The following PCDHGA7 variants were observed in gnomAD, a reference collection of about 807,000 sequenced individuals.
PCDHGA7 encodes the protein protocadherin gamma-A7.
PCDHGA7 carries 44 observed loss-of-function variants against 58.3 expected under a neutral mutation model. The observed-to-expected ratio is 0.75, with a 90% confidence interval of 0.59 to 0.97. The LOEUF is 0.97. Ranked by LOEUF, PCDHGA7 falls within the 50% of genes least tolerant of loss-of-function variation. PCDHGA7 has a pLI of 0.00. For synonymous variants in PCDHGA7, 516 were observed against 504.2 expected, an observed-to-expected ratio of 1.02 and a Z score of -0.31; for missense variants, 1,266 against 1,188.7, an observed-to-expected ratio of 1.06 and a Z score of -0.96.
intron 1 of PCDHGA7, among the ~76,000 whole-genome samples, chr5:141,473,946 G>A (rs1399816546): frequency 6.6e-6 from 1 of 152,170 alleles, no homozygotes; most frequent in African/African-American, 2.4e-5. Context: ...GCTCAGGCCT[G>A]TAGTCCCATC....
chr5:141,405,326 T>C (rs764056952), intron 1 of PCDHGA7: 2 of 1,614,220 alleles, frequency 1.2e-6, no homozygotes, highest in South Asian at 2.2e-5. Context: ...TGAGCCTTTG[T>C]GCGTCTCTGT....
chr5:141,448,152 C>T (rs1463599948), intron 1 of PCDHGA7, among the ~76,000 whole-genome samples: 1 of 151,984 alleles, frequency 6.6e-6, no homozygotes, highest in African/African-American at 2.4e-5. Flanking sequence ...CAGACTCACC[C>T]CTGAAAGATC....
intron 1 of PCDHGA7, chr5:141,400,601 C>T (rs1401354209): frequency 1.3e-6 from 2 of 1,592,588 alleles, no homozygotes; most frequent in East Asian, 4.5e-5. Flanking sequence ...CGTACATTTT[C>T]AAGTCCAATG....
chr5:141,456,285 G>T (rs2098848223), intron 1 of PCDHGA7, among the ~76,000 whole-genome samples: 1 of 152,134 alleles, frequency 6.6e-6, no homozygotes, highest in Non-Finnish European at 1.5e-5. Flanking sequence ...GCTGAAAAGG[G>T]GCGTCTAATG....
Position 141,485,627 on chromosome 5 carries a change from T to C in PCDHGA7, c.2425-9180T>C. 3 of 1,612,072 alleles carry C rather than the reference T, an allele frequency of 1.9e-6. No individual in the cohort carries two copies. Among genetic ancestry groups the C allele is most frequent in the Non-Finnish European group, 2.5e-6 (3 of 1,178,530 alleles). On this transcript the variant is annotated intron_variant, in intron 1 of 3. Transcript: ENST00000518325. This position sits in a 1 kb window ranked among gnomAD's most constrained non-coding sequence, Gnocchi z 5.7. ...GGAGGCAGCTCCTCCAGGACAGCGT[T>C]TCCCGTTGGAAAAGGCTCAGGATGC...
rs1263406836 is a variant in PCDHGA7 at position 141,491,918 on chromosome 5, G to A, written c.2425-2889G>A. On this transcript the variant is annotated intron_variant, in intron 1 of 3. Coordinates refer to ENST00000518325, the MANE Select transcript of PCDHGA7 (RefSeq NM_018920.4). The surrounding 1 kb of genome is among the most constrained non-coding windows in gnomAD (Gnocchi z 6.9). ...GCACCGGGGGTGGTGGCGACTGTGGGCGAGGGGAGGTGGGACCGACCCCCA... is the reference window on the plus strand; with the variant it reads ...GCACCGGGGGTGGTGGCGACTGTGGACGAGGGGAGGTGGGACCGACCCCCA... 2 of 1,371,698 alleles carry A rather than the reference G, an allele frequency of 1.5e-6. No homozygotes were observed. Among genetic ancestry groups the A allele is most frequent in the Non-Finnish European group, 1.9e-6 (2 of 1,028,962 alleles). 85.0% of individuals were successfully genotyped at this position (1,371,698 alleles called of 1,614,324 possible).
At chr5:141,500,182 ATT>A (rs1199992745) in intron 2 of PCDHGA7, among the ~76,000 whole-genome samples, 2 of 131,622 alleles carry the variant, frequency 1.5e-5, no homozygotes, top group African/African-American at 3.1e-5. Flanking sequence ...CTTCATTTTT[ATT>A]TTTATTTATT....
intron 1 of PCDHGA7, chr5:141,413,526 G>T: frequency 6.2e-7 from 1 of 1,613,936 alleles, no homozygotes; most frequent in Non-Finnish European, 8.5e-7. Context: ...TGGAAGACAG[G>T]GTGAAACTTT....
intron 1 of PCDHGA7, chr5:141,404,622 A>G (rs1182540384): frequency 9.9e-6 from 16 of 1,614,156 alleles, no homozygotes; most frequent in Non-Finnish European, 1.4e-5. Flanking sequence ...GACCAGAATG[A>G]CAATGCCCCA....
In PCDHGA7 at chr5:141,485,539, G is replaced by T; in HGVS notation, c.2425-9268G>T. 6.2e-7 allele frequency: 1 copy of T among 1,614,104 alleles called. No individual in the cohort carries two copies. Among genetic ancestry groups the T allele is most frequent in the Non-Finnish European group, 8.5e-7 (1 of 1,179,998 alleles). On this transcript the variant is annotated intron_variant, in intron 1 of 3. Coordinates refer to ENST00000518325, the MANE Select transcript of PCDHGA7 (RefSeq NM_018920.4). This position sits in a 1 kb window ranked among gnomAD's most constrained non-coding sequence, Gnocchi z 5.7. ...TGGAAATGTACCGAGCAGAGGTAGA[G>T]ATCGTAGATGTGAATGATCACGCCC...
chr5:141,383,948 C>G lies in PCDHGA7; in HGVS notation c.1049C>G (p.Thr350Arg), dbSNP rs199642192. Residue 350 changes from threonine to arginine, a missense_variant, in exon 1 of 4, where the codon ACG becomes AGG. Transcript: ENST00000518325. ...VNDNAPEVTMTSLSSSIPEDT... is the reference protein window; with the variant it reads ...VNDNAPEVTMRSLSSSIPEDT... Reference sequence around the variant, plus strand: ...GATAATGCTCCAGAAGTGACTATGACGTCTTTAAGTAGCTCAATCCCTGAA... The same window carrying G: ...GATAATGCTCCAGAAGTGACTATGAGGTCTTTAAGTAGCTCAATCCCTGAA... 2.1e-4 allele frequency: 340 copies of G among 1,613,480 alleles called. No homozygotes were observed. Among genetic ancestry groups the G allele is most frequent in the Non-Finnish European group, 2.5e-4 (300 of 1,179,584 alleles).
rs61612330 is a variant in PCDHGA7, at chr5:141,454,796, A to ATTTTTTTTTTTTTTTTTT, written c.2425-39999_2425-39982dup. Reference sequence around the variant, plus strand: ...AAGGAAATAATCCTCCATGGTTCTAATTTTTTTTTTTTTTTTTTTTTTTTT... The same window carrying ATTTTTTTTTTTTTTTTTT: ...AAGGAAATAATCCTCCATGGTTCTAATTTTTTTTTTTTTTTTTTTTTTTTTTTTTTTTTTTTTTTTTTT... On this transcript the variant is annotated intron_variant, in intron 1 of 3. Coordinates refer to ENST00000518325, the MANE Select transcript of PCDHGA7 (RefSeq NM_018920.4). 9.0e-4 allele frequency among the ~76,000 whole-genome samples: 70 copies of ATTTTTTTTTTTTTTTTTT among 77,458 alleles called. 9 individuals carry two copies. Among genetic ancestry groups the ATTTTTTTTTTTTTTTTTT allele is most frequent in the Non-Finnish European group, 1.1e-3 (48 of 42,814 alleles). The allele number at this position is 77,458 out of a possible 152,430, so 50.8% of individuals were successfully genotyped here. A position where few individuals can be genotyped will look rare whatever the true frequency, so the allele number is the denominator to read the frequency against.
intron 1 of PCDHGA7, chr5:141,426,664 A>G (rs886265350): frequency 2.3e-6 from 1 of 429,248 alleles, no homozygotes; most frequent in Admixed American, 2.5e-5. Flanking sequence ...GATATAAATG[A>G]TAACCCACCT....
chr5:141,497,237 T>C (rs933112169), intron 2 of PCDHGA7, among the ~76,000 whole-genome samples: 3 of 152,038 alleles, frequency 2.0e-5, no homozygotes, highest in Non-Finnish European at 4.4e-5. Context: ...AGAAGGCTTC[T>C]AGGAGGAGGT....
Position 141,423,580 on chromosome 5 carries a change from A to C in PCDHGA7, c.2424+38257A>C, listed in dbSNP as rs368022774. 46 of 1,613,286 alleles carry C rather than the reference A, an allele frequency of 2.9e-5. No individual in the cohort carries two copies. In the African/African-American group the frequency reaches 5.6e-4, roughly 20 times the overall value. On this transcript the variant is annotated intron_variant, in intron 1 of 3. Coordinates refer to ENST00000518325, the MANE Select transcript of PCDHGA7 (RefSeq NM_018920.4). ...TGGGGACACGCTCATCAGCCAGGAGAGCTGTGAGAAAAGCGAGCCACTCTT... is the reference window on the plus strand; with the variant it reads ...TGGGGACACGCTCATCAGCCAGGAGCGCTGTGAGAAAAGCGAGCCACTCTT...
intron 1 of PCDHGA7, chr5:141,394,120 C>T: frequency 5.0e-6 from 8 of 1,613,954 alleles, no homozygotes; most frequent in Non-Finnish European, 5.9e-6. Context: ...TCCACTGAAA[C>T]TCAAATCGCT....
At chr5:141,497,223 T>C (rs921763195) in intron 2 of PCDHGA7, among the ~76,000 whole-genome samples, 1 of 151,762 alleles carries the variant, frequency 6.6e-6, no homozygotes, top group Admixed American at 6.6e-5. Context: ...GGGGGGAAGA[T>C]CAGAGAAGGC....
At chr5:141,386,407 G>T (rs2090565915) in intron 1 of PCDHGA7, among the ~76,000 whole-genome samples, 1 of 152,034 alleles carries the variant, frequency 6.6e-6, no homozygotes, top group Non-Finnish European at 1.5e-5. Flanking sequence ...GCCAGGTATG[G>T]TGTTGCAAGC....
chr5:141,384,310 A>T lies in PCDHGA7; in HGVS notation c.1411A>T (p.Ile471Phe). 2 of 1,613,676 alleles carry T rather than the reference A, an allele frequency of 1.2e-6. No homozygotes were observed. Among genetic ancestry groups the T allele is most frequent in the East Asian group, 4.5e-5 (2 of 44,856 alleles). Reference sequence around the variant, plus strand: ...TGAGAACAACCCCAGAGGGGCCTCCATTTTCTTAGTGACTGCACAGGACCA... The same window carrying T: ...TGAGAACAACCCCAGAGGGGCCTCCTTTTTCTTAGTGACTGCACAGGACCA... ...IAENNPRGAS[I>F]FLVTAQDHDS... The change falls in exon 1 of 4, where the codon ATT becomes TTT. Residue 471 changes from isoleucine (I) to phenylalanine (F), a missense_variant. By Grantham distance (21) the Ile-to-Phe change is conservative (BLOSUM62 0). Coordinates refer to ENST00000518325, the MANE Select transcript of PCDHGA7 (RefSeq NM_018920.4).
Sources: allele counts gnomAD v4.1 joint callset (sites outside exome capture counted in the v4.1 genomes callset), GRCh38; gene constraint gnomAD v4.1.1; non-coding constraint Gnocchi (gnomAD v3.1); transcripts MANE v1.5; gene names NCBI Gene and HGNC (gene_info 2026-07-23, HGNC 2026-07-21).